RBMS3: variants seen among roughly 807,000 people sequenced by gnomAD.
RBMS3 encodes the protein RNA binding motif single stranded interacting protein 3, also known as RNA-binding motif, single-stranded-interacting protein 3.
In RBMS3, 27 loss-of-function variants were observed where a neutral mutation model predicts 66.8. The ratio of observed to expected loss-of-function variants is 0.40; its 90% confidence interval spans 0.30 to 0.56. RBMS3 has a LOEUF of 0.56. Ranked by LOEUF, RBMS3 falls within the 20% of genes least tolerant of loss-of-function variation. RBMS3 has a pLI of 0.40. For synonymous variants in RBMS3, 188 were observed against 183.0 expected, an observed-to-expected ratio of 1.03 and a Z score of -0.22; for missense variants, 513 against 549.5, an observed-to-expected ratio of 0.93 and a Z score of 0.66.
intron 6 of RBMS3, among the ~76,000 whole-genome samples, chr3:29,850,027 C>T (rs149469726): frequency 1.3e-5 from 2 of 152,260 alleles, no homozygotes; most frequent in East Asian, 1.9e-4. Flanking sequence ...GGTAGGCAGA[C>T]GTGAAGATTT....
At chr3:29,963,958 C>T (rs1696656658) in intron 12 of RBMS3, among the ~76,000 whole-genome samples, 1 of 152,006 alleles carries the variant, frequency 6.6e-6, no homozygotes. Flanking sequence ...TTTAGCTTGG[C>T]TTATTTCATC....
intron 4 of RBMS3, among the ~76,000 whole-genome samples, chr3:29,597,368 A>C (rs912931620): frequency 6.6e-6 from 1 of 152,174 alleles, no homozygotes; most frequent in East Asian, 1.9e-4. Flanking sequence ...TTTTGTGTGC[A>C]TGCTATATTT....
intron 1 of RBMS3, among the ~76,000 whole-genome samples, chr3:29,365,633 T>G (rs1171795484): frequency 6.6e-6 from 1 of 152,206 alleles, no homozygotes; most frequent in Non-Finnish European, 1.5e-5. Context: ...AGATCACCTT[T>G]GCTCTCTTAG....
intron 12 of RBMS3, among the ~76,000 whole-genome samples, chr3:29,954,062 T>C (rs1695866081): frequency 6.6e-6 from 1 of 151,878 alleles, no homozygotes; most frequent in East Asian, 1.9e-4. Context: ...CAGATGCACC[T>C]TATTCAATAT....
At chr3:29,679,768 G>GTATATATATATATATATATATATATA (rs34934611) in intron 4 of RBMS3, among the ~76,000 whole-genome samples, 151 of 145,338 alleles carry the variant, frequency 1.0e-3, no homozygotes, top group African/African-American at 3.7e-3. Context: ...CTACTTGACT[G>GTATATATATATATATATATATATATA]TATATATATA....
At chr3:29,469,059 G>A (rs1156526461) in intron 2 of RBMS3, among the ~76,000 whole-genome samples, 1 of 152,078 alleles carries the variant, frequency 6.6e-6, no homozygotes, top group African/African-American at 2.4e-5. Flanking sequence ...ACTAGTTTAT[G>A]ACTCAATAAG....
At chr3:29,423,511 C>A (rs746086372) in intron 1 of RBMS3, among the ~76,000 whole-genome samples, 1 of 152,112 alleles carries the variant, frequency 6.6e-6, no homozygotes, top group Non-Finnish European at 1.5e-5. Context: ...AGATTAATTA[C>A]ATTTTAAGAA....
At chr3:29,781,292 T>C (rs534606020) in intron 6 of RBMS3, among the ~76,000 whole-genome samples, 81 of 138,902 alleles carry the variant, frequency 5.8e-4, no homozygotes, top group African/African-American at 2.1e-3. Context: ...GTAAATGAAA[T>C]CAAACAATGT....
chr3:29,935,939 A>T, intron 10 of RBMS3, 147 bp from the exon 11 acceptor site: 1 of 635,796 alleles, frequency 1.6e-6, no homozygotes, highest in Non-Finnish European at 2.7e-6. Flanking sequence ...GAATGGACAT[A>T]AAAATTATAT....
At chr3:29,489,739 TA>T (rs201069908) in intron 3 of RBMS3, among the ~76,000 whole-genome samples, 17,468 of 123,924 alleles carry the variant, frequency 0.14, 1,300 homozygotes, top group African/African-American at 0.21. Context: ...CACGTAGCTG[TA>T]AAAAAAAAAA....
intron 6 of RBMS3, among the ~76,000 whole-genome samples, chr3:29,840,384 G>T (rs2058631802): frequency 6.6e-6 from 1 of 151,988 alleles, no homozygotes; most frequent in African/African-American, 2.4e-5. Context: ...CTAAACAAAT[G>T]AAAGTATTTG....
chr3:29,487,749 T>A (rs1459515019), intron 2 of RBMS3, among the ~76,000 whole-genome samples: 1 of 152,174 alleles, frequency 6.6e-6, no homozygotes, highest in Non-Finnish European at 1.5e-5. Context: ...CAAAAATATT[T>A]ATATCATTAC....
chr3:29,772,294 G>A (rs1360074748), intron 6 of RBMS3, among the ~76,000 whole-genome samples: 1 of 151,918 alleles, frequency 6.6e-6, no homozygotes, highest in Non-Finnish European at 1.5e-5. Flanking sequence ...GTTGTTTTAT[G>A]CCTCTAAGTC....
chr3:29,352,270 G>A lies in RBMS3; in HGVS notation c.75+70514G>A, dbSNP rs201562292. The stretch of plus-strand genomic sequence containing the variant: ...CACTAATTTATGGATAATTCATTTG[G>A]GCCTACATTTTACTTATAAGTTAAT... On this transcript the variant is annotated intron_variant, in intron 1 of 14. Coordinates refer to ENST00000383767, the MANE Select transcript of RBMS3 (RefSeq NM_001003793.3). 3.4e-4 allele frequency among the ~76,000 whole-genome samples: 51 copies of A among 151,512 alleles called. No individual in the cohort carries two copies. The East Asian group carries it at 9.7e-3, about 29-fold the overall frequency.
Position 30,006,990 on chromosome 3 carries a change from A to ATAGTT in RBMS3, c.*3131_*3135dup, listed in dbSNP as rs1699818640. 6.6e-6 allele frequency: 1 copy of ATAGTT among 152,024 alleles called. No individual in the cohort carries two copies. Among genetic ancestry groups the ATAGTT allele is most frequent in the African/African-American group, 2.4e-5 (1 of 41,426 alleles). 9.4% of individuals were successfully genotyped at this position (152,024 alleles called of 1,614,324 possible). A position where few individuals can be genotyped will look rare whatever the true frequency, so the allele number is the denominator to read the frequency against. On this transcript the variant is annotated 3_prime_UTR_variant, in exon 15 of 15. Transcript: ENST00000383767. Reference sequence around the variant, plus strand: ...GTGTTCATGTGTGTTTTGTGTTTGGATAGTTTATATCATGCCATTCTATAA... The same window carrying ATAGTT: ...GTGTTCATGTGTGTTTTGTGTTTGGATAGTTTAGTTTATATCATGCCATTCTATAA...
At chr3:29,470,202 C>T (rs902062444) in intron 2 of RBMS3, among the ~76,000 whole-genome samples, 27 of 151,740 alleles carry the variant, frequency 1.8e-4, no homozygotes, top group African/African-American at 5.3e-4. Flanking sequence ...TGTAATGATG[C>T]GGAAAATGCA....
intron 6 of RBMS3, among the ~76,000 whole-genome samples, chr3:29,817,404 C>G (rs1401804040): frequency 6.6e-6 from 1 of 151,906 alleles, no homozygotes; most frequent in African/African-American, 2.4e-5. Flanking sequence ...AGGTTTTTAC[C>G]ATGTTGGCCA....
intron 1 of RBMS3, among the ~76,000 whole-genome samples, chr3:29,348,571 TAAA>T (rs201850631): frequency 3.5e-5 from 5 of 143,424 alleles, no homozygotes; most frequent in Non-Finnish European, 3.0e-5. Context: ...TTCTCTCTGT[TAAA>T]AAAAAAAAAA....
At chr3:29,609,523 G>A (rs2149131017) in intron 4 of RBMS3, among the ~76,000 whole-genome samples, 1 of 152,086 alleles carries the variant, frequency 6.6e-6, no homozygotes, top group East Asian at 1.9e-4. Context: ...AGGTATGGGT[G>A]GAAGTATTTC....
Sources: gnomAD v4.1 joint callset for allele counts (sites outside exome capture counted in the v4.1 genomes callset) on GRCh38, gnomAD v4.1.1 for gene constraint, MANE v1.5 for transcripts, NCBI Gene and HGNC (gene_info 2026-07-23, HGNC 2026-07-21) for gene names.